The following TMPRSS15 variants were observed in gnomAD, a reference collection of about 807,000 sequenced individuals.
The protein encoded by TMPRSS15 is enteropeptidase.
TMPRSS15 carries 128 observed loss-of-function variants against 125.3 expected under a neutral mutation model. The observed-to-expected ratio is 1.02, with a 90% CI of 0.89 to 1.18. The LOEUF (loss-of-function observed/expected upper bound fraction) is 1.18, where lower values mean the gene tolerates loss of function less well. Among genes scored for constraint, TMPRSS15 ranks in the 50% most tolerant of loss-of-function variants. TMPRSS15 has a pLI of 0.00. For missense variants in TMPRSS15, 1,283 were observed against 1,212.7 expected (o/e 1.06, Z -0.86); for synonymous variants, 446 against 423.2 (o/e 1.05, Z -0.66).
At chr21:18,309,224 A>T (rs561614252) in intron 18 of TMPRSS15, among the ~76,000 whole-genome samples, 28 of 152,196 alleles carry the variant, frequency 1.8e-4, no homozygotes, top group African/African-American at 6.3e-4. Flanking sequence ...CTGAAACTGG[A>T]CCCCTTTCTT....
intron 1 of TMPRSS15, among the ~76,000 whole-genome samples, chr21:18,409,859 TC>T (rs1466819792): frequency 1.2e-5 from 1 of 82,062 alleles, no homozygotes. Flanking sequence ...CTTCCTTCCT[TC>T]CCTCCCTCCC....
chr21:18,324,693 T>C (rs1192744148), intron 16 of TMPRSS15, among the ~76,000 whole-genome samples: 3 of 152,170 alleles, frequency 2.0e-5, no homozygotes, highest in African/African-American at 7.2e-5. Flanking sequence ...TAAAGTTTGC[T>C]ATTAACTAAT....
intron 1 of TMPRSS15, among the ~76,000 whole-genome samples, chr21:18,446,498 T>A (rs1220140473): frequency 6.6e-6 from 1 of 151,984 alleles, no homozygotes; most frequent in African/African-American, 2.4e-5. Context: ...CCAAAGCAAT[T>A]CCAAGCAAAA....
intron 10 of TMPRSS15, among the ~76,000 whole-genome samples, chr21:18,352,109 G>A (rs186869005): frequency 6.6e-6 from 1 of 151,744 alleles, no homozygotes; most frequent in Non-Finnish European, 1.5e-5. Flanking sequence ...TTCCTTCTAA[G>A]ATTTGTAACT....
At chr21:18,399,737 A>T (rs1352452398) in intron 1 of TMPRSS15, among the ~76,000 whole-genome samples, 1 of 152,140 alleles carries the variant, frequency 6.6e-6, no homozygotes, top group Non-Finnish European at 1.5e-5. Flanking sequence ...GGGTTATATG[A>T]GAACTCTGTA....
At chr21:18,330,317 C>A (rs562868892) in intron 14 of TMPRSS15, among the ~76,000 whole-genome samples, 2 of 152,190 alleles carry the variant, frequency 1.3e-5, no homozygotes, top group South Asian at 2.1e-4. Flanking sequence ...CCCTTACCAT[C>A]GATCTCTGAT....
At chr21:18,337,756 A>C (rs2075406149) in intron 13 of TMPRSS15, among the ~76,000 whole-genome samples, 1 of 152,206 alleles carries the variant, frequency 6.6e-6, no homozygotes, top group Non-Finnish European at 1.5e-5. Context: ...AAAGGCTATT[A>C]GCCAGTCAGC....
intron 3 of TMPRSS15, among the ~76,000 whole-genome samples, chr21:18,395,357 A>G (rs979558936): frequency 1.5e-4 from 23 of 152,226 alleles, no homozygotes; most frequent in Non-Finnish European, 2.5e-4. Flanking sequence ...TGACATTGGA[A>G]AAGTAACCTA....
chr21:18,429,042 G>C (rs954157866), intron 1 of TMPRSS15, among the ~76,000 whole-genome samples: 2 of 152,178 alleles, frequency 1.3e-5, no homozygotes, highest in African/African-American at 4.8e-5. Flanking sequence ...CCCACCTCTT[G>C]CATCAGCATC....
At chr21:18,382,917 ATTTC>A (rs2075906023) in intron 4 of TMPRSS15, among the ~76,000 whole-genome samples, 1 of 151,952 alleles carries the variant, frequency 6.6e-6, no homozygotes, top group Non-Finnish European at 1.5e-5. Context: ...GATGTTCCAT[ATTTC>A]TTCTTTTTTG....
At chr21:18,291,760 A>C (rs1467163378) in intron 21 of TMPRSS15, among the ~76,000 whole-genome samples, 1 of 152,180 alleles carries the variant, frequency 6.6e-6, no homozygotes, top group Non-Finnish European at 1.5e-5. Flanking sequence ...GAGAAAAAAA[A>C]AATAATTCCA....
intron 18 of TMPRSS15, among the ~76,000 whole-genome samples, 182 bp downstream of exon 18, chr21:18,312,763 G>A (rs774605797): frequency 6.3e-4 from 95 of 151,916 alleles, no homozygotes; most frequent in Admixed American, 1.4e-3. Flanking sequence ...TCATACAAAG[G>A]TTATTAACAG....
intron 4 of TMPRSS15, among the ~76,000 whole-genome samples, chr21:18,381,874 G>A (rs1182426345): frequency 6.6e-6 from 1 of 151,916 alleles, no homozygotes; most frequent in Non-Finnish European, 1.5e-5. Flanking sequence ...ATAACTAACA[G>A]GTGCTAGGCT....
At chr21:18,420,902 C>G (rs1393861767) in intron 1 of TMPRSS15, among the ~76,000 whole-genome samples, 2 of 152,116 alleles carry the variant, frequency 1.3e-5, no homozygotes, top group African/African-American at 2.4e-5. Flanking sequence ...GGCTTTAACA[C>G]TTAAAACATC....
chr21:18,475,007 A>G (rs1978850972), intron 1 of TMPRSS15, among the ~76,000 whole-genome samples: 1 of 152,174 alleles, frequency 6.6e-6, no homozygotes, highest in Non-Finnish European at 1.5e-5. Flanking sequence ...GTGAGACCAT[A>G]ATATAGAGTG....
At chr21:18,396,896 G>A (rs1347096842) in intron 3 of TMPRSS15, among the ~76,000 whole-genome samples, 1 of 151,018 alleles carries the variant, frequency 6.6e-6, no homozygotes, top group African/African-American at 2.4e-5. Context: ...CAACCAGTGA[G>A]TTTCCTTTTT....
At chr21:18,478,047 C>A (rs79176427) in intron 1 of TMPRSS15, among the ~76,000 whole-genome samples, 6,419 of 152,036 alleles carry the variant, frequency 0.042, 461 homozygotes, top group African/African-American at 0.15. Flanking sequence ...ACTAATCCTA[C>A]CTTGGGTCCG....
chr21:18,320,155 A>G (rs774917533), intron 16 of TMPRSS15, among the ~76,000 whole-genome samples: 2 of 152,312 alleles, frequency 1.3e-5, no homozygotes, highest in Non-Finnish European at 2.9e-5. Context: ...TATATATTTT[A>G]TCTTTCTGGT....
chr21:18,316,934 T>A (rs917236154), intron 16 of TMPRSS15, among the ~76,000 whole-genome samples: 3 of 152,132 alleles, frequency 2.0e-5, no homozygotes, highest in African/African-American at 7.2e-5. Context: ...ACAATGGTGA[T>A]GGCTGTCAGG....
Sources: allele counts gnomAD v4.1 joint callset (sites outside exome capture counted in the v4.1 genomes callset), GRCh38; gene constraint gnomAD v4.1.1; transcripts MANE v1.5; gene names NCBI Gene and HGNC (gene_info 2026-07-23, HGNC 2026-07-21).